DOCK2: variants seen among roughly 807,000 people sequenced by gnomAD.
DOCK2 encodes dedicator of cytokinesis protein 2.
A neutral mutation model predicts 248.9 loss-of-function variants in DOCK2; 87 were observed. That is an observed-to-expected ratio of 0.35 (90% CI 0.29 to 0.42). The LOEUF (loss-of-function observed/expected upper bound fraction) is 0.42. Among genes scored for constraint, DOCK2 ranks in the 10% least tolerant of loss-of-function variants. The pLI, the probability that DOCK2 is intolerant of heterozygous loss-of-function variation, is 1.00. For missense variants in DOCK2, 1,747 were observed against 2,300.2 expected (o/e 0.76, Z 4.92); for synonymous variants, 805 against 821.6 (o/e 0.98, Z 0.35).
intron 26 of DOCK2, among the ~76,000 whole-genome samples, chr5:169,804,593 T>C (rs1405277893): frequency 5.3e-5 from 8 of 152,160 alleles, no homozygotes; most frequent in African/African-American, 1.9e-4. Context: ...TCTCTATTTG[T>C]TGGTTTCTAG....
chr5:169,702,900 C>A (rs763921797), intron 14 of DOCK2, among the ~76,000 whole-genome samples: 2 of 152,074 alleles, frequency 1.3e-5, no homozygotes, highest in South Asian at 2.1e-4. Context: ...AACTCCCCAG[C>A]GCTCAGCCAG....
intron 30 of DOCK2, among the ~76,000 whole-genome samples, chr5:169,996,910 T>C (rs896773639): frequency 1.3e-5 from 2 of 152,180 alleles, no homozygotes; most frequent in African/African-American, 4.8e-5. Flanking sequence ...CCTGTGGGTG[T>C]TTCTCGTAAG....
chr5:170,051,920 G>A (rs1055116925), intron 41 of DOCK2, among the ~76,000 whole-genome samples: 2 of 152,186 alleles, frequency 1.3e-5, no homozygotes, highest in Admixed American at 6.5e-5. Flanking sequence ...TTAGGGTGCC[G>A]TATAAGTGGG....
intron 27 of DOCK2, among the ~76,000 whole-genome samples, chr5:169,961,204 A>G (rs1347267183): frequency 2.0e-5 from 3 of 152,248 alleles, no homozygotes; most frequent in Non-Finnish European, 4.4e-5. Context: ...GTAGCCCCCC[A>G]AGGGCAATTA....
chr5:170,041,222 GA>G, intron 37 of DOCK2, 77 bp downstream of exon 37: 10 of 1,282,520 alleles, frequency 7.8e-6, no homozygotes, highest in Non-Finnish European at 1.0e-5. Context: ...AGTGAAAAAA[GA>G]AAAAAAAGAA....
intron 26 of DOCK2, among the ~76,000 whole-genome samples, chr5:169,839,921 A>G (rs1185454504): frequency 6.6e-6 from 1 of 152,212 alleles, no homozygotes; most frequent in Non-Finnish European, 1.5e-5. Context: ...TGTATAACCA[A>G]TTCCCTGCAT....
chr5:170,065,705 T>A (rs1048687392), intron 44 of DOCK2, among the ~76,000 whole-genome samples: 8 of 152,040 alleles, frequency 5.3e-5, no homozygotes, highest in African/African-American at 1.9e-4. Flanking sequence ...AAAAAAGGGA[T>A]CTTGTGAGAC....
intron 15 of DOCK2, 152 bp from the exon 16 acceptor site, chr5:169,711,783 A>G (rs915847046): frequency 2.8e-6 from 2 of 711,782 alleles, no homozygotes; most frequent in Non-Finnish European, 4.7e-6. Flanking sequence ...TCTGTAATTT[A>G]TTTACAGTTC....
At chr5:170,008,974 G>T (rs933673023) in intron 32 of DOCK2, among the ~76,000 whole-genome samples, 16 of 151,906 alleles carry the variant, frequency 1.1e-4, no homozygotes, top group African/African-American at 3.6e-4. Flanking sequence ...ATATGCTTCT[G>T]CTTGATGCCC....
rs920220607 is a variant in DOCK2 at position 169,802,996 on chromosome 5, A to G, written c.2555-62A>G. ...ATTTAATGAAACATTGTATGCATAT[A>G]TGAAAGAAAAGAAACTAAAAAATGA... is the stretch of plus-strand genomic sequence containing the variant. On this transcript the variant is annotated intron_variant, in intron 25 of 51. Coordinates refer to ENST00000520908, the MANE Select transcript of DOCK2 (RefSeq NM_004946.3). 7 of 1,576,850 alleles carry G rather than the reference A, an allele frequency of 4.4e-6. No individual in the cohort carries two copies. The African/African-American group carries it at 5.5e-5, about 12-fold the overall frequency.
At chr5:169,850,638 G>A (rs1397396847) in intron 27 of DOCK2, among the ~76,000 whole-genome samples, 1 of 152,152 alleles carries the variant, frequency 6.6e-6, no homozygotes, top group African/African-American at 2.4e-5. Context: ...AGCTTAATAT[G>A]GTAATATGGA....
chr5:169,729,053 A>T (rs1041925049), intron 22 of DOCK2, among the ~76,000 whole-genome samples: 1 of 152,216 alleles, frequency 6.6e-6, no homozygotes, highest in Non-Finnish European at 1.5e-5. Context: ...AAAGATGGCT[A>T]TTTCTGTCAA....
chr5:169,842,503 G>A (rs567203361), intron 27 of DOCK2, among the ~76,000 whole-genome samples: 4 of 152,082 alleles, frequency 2.6e-5, no homozygotes, highest in South Asian at 4.2e-4. Context: ...GACTACCAGC[G>A]TGTGCCACCA....
intron 22 of DOCK2, among the ~76,000 whole-genome samples, chr5:169,732,001 C>T (rs1025426943): frequency 1.3e-5 from 2 of 152,064 alleles, no homozygotes; most frequent in African/African-American, 4.8e-5. Flanking sequence ...AGCCTGAAGT[C>T]CCAGCTACTC....
At chr5:169,729,360 C>T (rs1762646942) in intron 22 of DOCK2, among the ~76,000 whole-genome samples, 1 of 152,124 alleles carries the variant, frequency 6.6e-6, no homozygotes, top group Admixed American at 6.5e-5. Flanking sequence ...ATATTGCTCA[C>T]TCATTGGGCT....
intron 40 of DOCK2, among the ~76,000 whole-genome samples, chr5:170,048,754 C>T (rs1756806887): frequency 6.6e-6 from 1 of 152,180 alleles, no homozygotes; most frequent in Admixed American, 6.5e-5. Flanking sequence ...GTCCCTGGAG[C>T]ACAGTTTCTG....
intron 7 of DOCK2, 85 bp downstream of exon 7, chr5:169,681,964 CTG>C (rs1581025899): frequency 3.2e-6 from 5 of 1,550,554 alleles, no homozygotes; most frequent in African/African-American, 2.7e-5. Flanking sequence ...ATGAACCAGA[CTG>C]TGTATTATTC....
intron 27 of DOCK2, among the ~76,000 whole-genome samples, chr5:169,932,021 T>A (rs1775779955): frequency 6.6e-6 from 1 of 152,038 alleles, no homozygotes. Context: ...CCCAACAGAG[T>A]CCTGACCTCA....
chr5:169,981,388 T>A (rs1032404433), intron 27 of DOCK2, among the ~76,000 whole-genome samples: 2 of 152,230 alleles, frequency 1.3e-5, no homozygotes, highest in Admixed American at 6.5e-5. Flanking sequence ...ACCTGTTTTT[T>A]ACAAATTGAA....
Sources: allele counts gnomAD v4.1 joint callset (sites outside exome capture counted in the v4.1 genomes callset), GRCh38; gene constraint gnomAD v4.1.1; transcripts MANE v1.5; gene names NCBI Gene and HGNC (gene_info 2026-07-23, HGNC 2026-07-21).